The following MOCOS variants were observed in gnomAD, a reference collection of about 807,000 sequenced individuals.
MOCOS encodes the protein molybdenum cofactor sulfurase.
MOCOS carries 86 observed loss-of-function variants against 83.6 expected under a neutral mutation model. The ratio of observed to expected loss-of-function variants is 1.03; its 90% confidence interval spans 0.86 to 1.23. MOCOS has a LOEUF of 1.23. Among genes scored for constraint, MOCOS ranks in the 50% most tolerant of loss-of-function variants. The pLI, the probability that MOCOS is intolerant of heterozygous loss-of-function variation, is 0.00. For missense variants in MOCOS, 1,120 were observed against 1,126.9 expected (o/e 0.99, Z 0.09); for synonymous variants, 445 against 434.7 (o/e 1.02, Z -0.29).
intron 13 of MOCOS, among the ~76,000 whole-genome samples, chr18:36,261,424 G>A (rs1365465841): frequency 6.6e-6 from 1 of 152,078 alleles, no homozygotes; most frequent in Admixed American, 6.6e-5. Context: ...TATTGGATAA[G>A]GAATACTCAA....
At chr18:36,193,037 C>A (rs938479369) in intron 1 of MOCOS, among the ~76,000 whole-genome samples, 1 of 151,942 alleles carries the variant, frequency 6.6e-6, no homozygotes, top group South Asian at 2.1e-4. Flanking sequence ...ATGGGCCGGG[C>A]GCGGTGGCTC....
intron 9 of MOCOS, among the ~76,000 whole-genome samples, chr18:36,248,644 T>C (rs1434015980): frequency 1.3e-5 from 2 of 152,216 alleles, no homozygotes; most frequent in Admixed American, 6.5e-5. Flanking sequence ...GGTCTAGTTT[T>C]CTTCTTCTGC....
chr18:36,215,737 T>C lies in MOCOS; in HGVS notation c.1557T>C (p.Val519=). Residue 519 remains valine, a synonymous_variant, in exon 8 of 15, where the codon GTT becomes GTC. Coordinates refer to ENST00000261326, the MANE Select transcript of MOCOS (RefSeq NM_017947.4). The stretch of plus-strand genomic sequence containing the variant: ...CATCAGCAGACAGCCAGGCTGATGT[T>C]ATACCTGCTGTCATGGGCAGACGTA... ...GAPSADSQAD[V]IPAVMGRRSL... 5 of 1,614,214 alleles carry C rather than the reference T, an allele frequency of 3.1e-6. No individual in the cohort carries two copies. Among genetic ancestry groups the C allele is most frequent in the Non-Finnish European group, 4.2e-6 (5 of 1,180,038 alleles).
At chr18:36,236,752 T>C (rs936339989) in intron 9 of MOCOS, among the ~76,000 whole-genome samples, 2 of 142,120 alleles carry the variant, frequency 1.4e-5, no homozygotes, top group African/African-American at 5.4e-5. Flanking sequence ...TATTGATTCT[T>C]CCTACCCATG....
intron 2 of MOCOS, 142 bp from the exon 3 acceptor site, chr18:36,198,548 A>G (rs2144899361): frequency 7.5e-6 from 6 of 802,612 alleles, no homozygotes; most frequent in Admixed American, 2.0e-5. Context: ...TTTGAGGGAT[A>G]GAAATCTAGG....
chr18:36,229,443 A>G (rs1274508068), intron 9 of MOCOS, among the ~76,000 whole-genome samples: 1 of 151,646 alleles, frequency 6.6e-6, no homozygotes. Flanking sequence ...CTTCCTTTTG[A>G]CTTTTGGCAA....
chr18:36,219,398 G>A (rs1484878664), intron 8 of MOCOS, among the ~76,000 whole-genome samples: 3 of 152,104 alleles, frequency 2.0e-5, no homozygotes, highest in African/African-American at 7.2e-5. Flanking sequence ...AGAGCAAAGG[G>A]GTGGGCGTGG....
At position 36,233,827 on chromosome 18, in the gene MOCOS, T is replaced by C. The variant is rs1384487082; in HGVS notation, c.1960+13610T>C. ...TTCTCATGTTTGTTGGCCATTTGTA[T>C]ATCTTCTTTTGAAAAATTTCCATTC... On this transcript the variant is annotated intron_variant, in intron 9 of 14. Coordinates refer to ENST00000261326, the MANE Select transcript of MOCOS (RefSeq NM_017947.4). Among the ~76,000 whole-genome samples, 3 of 152,196 alleles carry C rather than the reference T, an allele frequency of 2.0e-5. No homozygotes were observed. The East Asian group carries it at 5.8e-4, about 29-fold the overall frequency.
At chr18:36,241,141 G>T (rs2144944132) in intron 9 of MOCOS, among the ~76,000 whole-genome samples, 1 of 152,118 alleles carries the variant, frequency 6.6e-6, no homozygotes, top group East Asian at 1.9e-4. Context: ...TTCCTATTCG[G>T]CCATCTTGGC....
Position 36,215,657 on chromosome 18 carries a change from T to C in MOCOS, c.1477T>C (p.Ser493Pro), listed in dbSNP as rs751488354. Residue 493 changes from serine to proline, a missense_variant, in exon 8 of 15, where the codon TCA (serine) becomes CCA (proline). Coordinates refer to ENST00000261326, the MANE Select transcript of MOCOS (RefSeq NM_017947.4). Reference protein sequence around the residue: ...RFIIDTRLHSSGDWPVPQAHA... With the variant: ...RFIIDTRLHSPGDWPVPQAHA... ...CATCATAGACACTCGCCTGCACTCATCAGGGGACTGGCCTGTCCCTCAGGC... is the reference window on the plus strand; with the variant it reads ...CATCATAGACACTCGCCTGCACTCACCAGGGGACTGGCCTGTCCCTCAGGC... The C allele has an allele frequency of 1.1e-5, 17 of 1,614,020 alleles. No individual in the cohort carries two copies. The highest frequency in any genetic ancestry group is 3.3e-5 in the Admixed American group (2 of 59,994).
intron 2 of MOCOS, among the ~76,000 whole-genome samples, chr18:36,196,593 G>A (rs1330797188): frequency 6.6e-6 from 1 of 152,090 alleles, no homozygotes; most frequent in Non-Finnish European, 1.5e-5. Flanking sequence ...TTAAATCTGG[G>A]GAACAGTCTT....
At chr18:36,263,128 A>G (rs916232926) in intron 13 of MOCOS, among the ~76,000 whole-genome samples, 1 of 152,186 alleles carries the variant, frequency 6.6e-6, no homozygotes, top group Non-Finnish European at 1.5e-5. Context: ...CAAATGCTCA[A>G]AAGATGTTTG....
chr18:36,233,499 T>C (rs887197434), intron 9 of MOCOS, among the ~76,000 whole-genome samples: 9 of 152,196 alleles, frequency 5.9e-5, no homozygotes, highest in Non-Finnish European at 1.3e-4. Context: ...TATAAACATA[T>C]GTGCACAAGT....
At chr18:36,247,008 C>A (rs549517340) in intron 9 of MOCOS, among the ~76,000 whole-genome samples, 7 of 151,832 alleles carry the variant, frequency 4.6e-5, no homozygotes, top group African/African-American at 1.4e-4. Context: ...TGAGATCATA[C>A]TCTCCTTGGG....
intron 1 of MOCOS, among the ~76,000 whole-genome samples, chr18:36,188,916 TTCTCTCTCTCTC>T (rs34349712): frequency 9.2e-4 from 136 of 147,818 alleles, no homozygotes; most frequent in Non-Finnish European, 7.3e-4. Flanking sequence ...TTCTTTCGTA[TTCTCTCTCTCTC>T]TCTCTCTCTC....
At chr18:36,247,616 T>C (rs1049602436) in intron 9 of MOCOS, among the ~76,000 whole-genome samples, 3 of 152,222 alleles carry the variant, frequency 2.0e-5, no homozygotes, top group African/African-American at 7.2e-5. Flanking sequence ...TTTGCTTGGC[T>C]GCCTAAATCC....
chr18:36,197,174 GA>G (rs1568048637), intron 2 of MOCOS, among the ~76,000 whole-genome samples: 6 of 152,154 alleles, frequency 3.9e-5, no homozygotes, highest in Non-Finnish European at 8.8e-5. Context: ...TGGAGGCCGG[GA>G]TCAATTATTT....
At chr18:36,190,767 AAAC>A (rs1355860770) in intron 1 of MOCOS, among the ~76,000 whole-genome samples, 9 of 152,032 alleles carry the variant, frequency 5.9e-5, no homozygotes, top group African/African-American at 2.2e-4. Context: ...CAAAAAAACA[AAAC>A]AAAACAAAAA....
chr18:36,242,498 T>G (rs1171139502), intron 9 of MOCOS, among the ~76,000 whole-genome samples: 1 of 152,226 alleles, frequency 6.6e-6, no homozygotes, highest in African/African-American at 2.4e-5. Context: ...TTCCAAAGTC[T>G]CTTCCACATT....
Sources: gnomAD v4.1 joint callset for allele counts (sites outside exome capture counted in the v4.1 genomes callset) on GRCh38, gnomAD v4.1.1 for gene constraint, MANE v1.5 for transcripts, NCBI Gene and HGNC (gene_info 2026-07-23, HGNC 2026-07-21) for gene names.